Variants in FMN2 observed in about 807,000 individuals in gnomAD.
FMN2 encodes the protein formin 2, also known as formin-2.
In FMN2, 51 loss-of-function variants were observed where a neutral mutation model predicts 142.3. The observed-to-expected ratio is 0.36, with a 90% confidence interval of 0.29 to 0.45. The LOEUF (loss-of-function observed/expected upper bound fraction) is 0.45. Among genes scored for constraint, FMN2 ranks in the 20% least tolerant of loss-of-function variants. The pLI, the probability that FMN2 is intolerant of heterozygous loss-of-function variation, is 1.00. For missense variants in FMN2, 1,936 were observed against 2,122.8 expected (o/e 0.91, Z 1.73); for synonymous variants, 882 against 869.8 (o/e 1.01, Z -0.25).
intron 2 of FMN2, chr1:240,143,123 G>T: frequency 6.4e-7 from 1 of 1,558,242 alleles, no homozygotes. Flanking sequence ...TGAAGAGGTC[G>T]TTGGGGTCCT....
chr1:240,386,768 T>G (rs886399253), intron 14 of FMN2, among the ~76,000 whole-genome samples: 5 of 152,172 alleles, frequency 3.3e-5, no homozygotes, highest in African/African-American at 9.7e-5. Flanking sequence ...AATCACTATT[T>G]GTAATCAGTT....
chr1:240,312,194 G>A (rs1670623252), intron 8 of FMN2, among the ~76,000 whole-genome samples: 1 of 151,980 alleles, frequency 6.6e-6, no homozygotes, highest in South Asian at 2.1e-4. Flanking sequence ...GTAGCCCTCT[G>A]CTCTCCAGCC....
At chr1:240,245,509 T>TG in intron 6 of FMN2, 1 of 471,434 alleles carries the variant, frequency 2.1e-6, no homozygotes, top group Middle Eastern at 3.3e-4. Flanking sequence ...CTGGAGATCA[T>TG]GGTATCACTG....
At chr1:240,445,972 T>G (rs374303908) in intron 16 of FMN2, among the ~76,000 whole-genome samples, 10 of 152,304 alleles carry the variant, frequency 6.6e-5, no homozygotes, top group African/African-American at 2.4e-4. Flanking sequence ...AACCAGTTTT[T>G]GGAATCAGAA....
At chr1:240,464,616 G>C (rs1178330580) in intron 16 of FMN2, among the ~76,000 whole-genome samples, 5 of 152,240 alleles carry the variant, frequency 3.3e-5, no homozygotes, top group Middle Eastern at 3.4e-3. Context: ...GGCTCCTGTT[G>C]TTGATAAGAG....
chr1:240,211,340 T>C (rs1169365334), intron 6 of FMN2, 105 bp downstream of exon 6: 1 of 1,106,150 alleles, frequency 9.0e-7, no homozygotes, highest in East Asian at 2.4e-5. Context: ...TAAACCTCCA[T>C]GGATCTTAGG....
At chr1:240,279,778 A>G (rs1669337518) in intron 7 of FMN2, among the ~76,000 whole-genome samples, 1 of 152,194 alleles carries the variant, frequency 6.6e-6, no homozygotes, top group Non-Finnish European at 1.5e-5. Context: ...TTTACACATC[A>G]ACATATACTT....
chr1:240,401,337 C>G (rs77538914), intron 15 of FMN2, among the ~76,000 whole-genome samples: 246 of 152,204 alleles, frequency 1.6e-3, no homozygotes, highest in Middle Eastern at 3.4e-3. Context: ...TTATCACAAA[C>G]CAGATGAAAT....
intron 15 of FMN2, among the ~76,000 whole-genome samples, chr1:240,408,579 T>C (rs1232175575): frequency 1.3e-5 from 2 of 152,216 alleles, no homozygotes; most frequent in African/African-American, 4.8e-5. Context: ...TTAAAGTTGA[T>C]TTTTATTTCA....
At chr1:240,193,753 G>C (rs731186) in intron 4 of FMN2, among the ~76,000 whole-genome samples, 51 of 152,204 alleles carry the variant, frequency 3.4e-4, no homozygotes, top group African/African-American at 1.2e-3. Flanking sequence ...GATTACTGCA[G>C]TATTCTCCCG....
intron 2 of FMN2, chr1:240,170,394 T>C: frequency 8.3e-7 from 1 of 1,206,346 alleles, no homozygotes; most frequent in African/African-American, 1.5e-5. Flanking sequence ...TTGTGGGAAG[T>C]GTTGGTGAGG....
chr1:240,467,041 A>G (rs1248482818), intron 16 of FMN2, among the ~76,000 whole-genome samples: 1 of 152,224 alleles, frequency 6.6e-6, no homozygotes, highest in Non-Finnish European at 1.5e-5. Flanking sequence ...TGCTTAAGGT[A>G]GGCATGCTGG....
intron 13 of FMN2, among the ~76,000 whole-genome samples, chr1:240,350,109 T>C: frequency 6.6e-6 from 1 of 152,206 alleles, no homozygotes; most frequent in South Asian, 2.1e-4. Flanking sequence ...ATTGAGCATA[T>C]TTATATGTGG....
chr1:240,437,947 C>T (rs1168035788), intron 15 of FMN2, 114 bp from the exon 16 acceptor site: 10 of 1,325,632 alleles, frequency 7.5e-6, no homozygotes, highest in Non-Finnish European at 1.0e-5. Flanking sequence ...AGCTTGAGTC[C>T]TCTTGGTAAT....
intron 7 of FMN2, among the ~76,000 whole-genome samples, chr1:240,285,947 C>T (rs1396032937): frequency 6.6e-6 from 1 of 151,956 alleles, no homozygotes; most frequent in East Asian, 1.9e-4. Flanking sequence ...TAGAGGCTTC[C>T]CATAGATGAT....
intron 8 of FMN2, among the ~76,000 whole-genome samples, chr1:240,325,966 A>C (rs147343079): frequency 6.6e-6 from 1 of 152,166 alleles, no homozygotes; most frequent in Non-Finnish European, 1.5e-5. Context: ...ACATCAAACA[A>C]TGTTACATAT....
chr1:240,348,388 A>C (rs1479559852), intron 13 of FMN2, among the ~76,000 whole-genome samples: 2 of 151,818 alleles, frequency 1.3e-5, no homozygotes, highest in Non-Finnish European at 1.5e-5. Flanking sequence ...TGCCCAGCTA[A>C]TATTTTGTAT....
At chr1:240,251,414 T>G (rs1668275049) in intron 6 of FMN2, among the ~76,000 whole-genome samples, 1 of 152,190 alleles carries the variant, frequency 6.6e-6, no homozygotes, top group South Asian at 2.1e-4. Flanking sequence ...TTTCTACTTT[T>G]ATTTCATTGA....
chr1:240,369,896 T>C (rs760123185), intron 14 of FMN2, among the ~76,000 whole-genome samples: 2 of 152,220 alleles, frequency 1.3e-5, no homozygotes, highest in African/African-American at 2.4e-5. Context: ...TGGGGCCTAA[T>C]GCAGTGTGGT....
Sources: allele counts gnomAD v4.1 joint callset (sites outside exome capture counted in the v4.1 genomes callset), GRCh38; gene constraint gnomAD v4.1.1; transcripts MANE v1.5; gene names NCBI Gene and HGNC (gene_info 2026-07-23, HGNC 2026-07-21).